LRAT: variants seen among roughly 807,000 people sequenced by gnomAD.
LRAT encodes lecithin retinol acyltransferase.
Under a neutral mutation model 14.2 loss-of-function variants are expected in LRAT, and 11 were observed. The observed-to-expected ratio is 0.78, with a 90% CI of 0.49 to 1.29. The LOEUF is 1.29. Among genes scored for constraint, LRAT ranks in the 50% most tolerant of loss-of-function variants. LRAT has a pLI of 0.00. For synonymous variants in LRAT, 144 were observed against 124.8 expected, an observed-to-expected ratio of 1.15 and a Z score of -1.03; for missense variants, 274 against 292.4, an observed-to-expected ratio of 0.94 and a Z score of 0.46.
In LRAT at chr4:154,744,108, C is replaced by A. The variant is rs1348894071; in HGVS notation, c.-116C>A. Reference sequence around the variant, plus strand: ...CCGCCGTCAGCCACCGGTTCCTTATCCGTCTCATTCCCCATTGTGGCTTGG... The same window carrying A: ...CCGCCGTCAGCCACCGGTTCCTTATACGTCTCATTCCCCATTGTGGCTTGG... On this transcript the variant is annotated 5_prime_UTR_variant, in exon 1 of 3. Coordinates refer to ENST00000336356, the MANE Select transcript of LRAT (RefSeq NM_004744.5). The A allele has an allele frequency of 1.7e-6, 1 of 591,792 alleles. No individual in the cohort carries two copies. Among genetic ancestry groups the A allele is most frequent in the Non-Finnish European group, 3.0e-6 (1 of 331,060 alleles). 36.7% of individuals were successfully genotyped at this position (591,792 alleles called of 1,614,324 possible).
At position 154,744,224 on chromosome 4, in the gene LRAT, T is replaced by TGAGCAGCAGCGCAGCACCCCTGCCCGGC; in HGVS notation, c.-2+7_-2+34dup. 8.2e-7 allele frequency: 1 copy of TGAGCAGCAGCGCAGCACCCCTGCCCGGC among 1,226,608 alleles called. No individual in the cohort carries two copies. The highest frequency in any genetic ancestry group is 2.3e-5 in the East Asian group (1 of 42,718). The allele number at this position is 1,226,608 out of a possible 1,614,324, so 76.0% of individuals were successfully genotyped here. ...CGCCGTACCTCACCTGGCCTGCAGG[T>TGAGCAGCAGCGCAGCACCCCTGCCCGGC]GAGCAGCAGCGCAGCACCCCTGCCC... On this transcript the variant is annotated splice_region_variant and intron_variant, in intron 1 of 2. Transcript: ENST00000336356.
At chr4:154,741,918 T>G (rs1006714212), upstream of LRAT, among the ~76,000 whole-genome samples, 1 of 152,196 alleles carries the variant, frequency 6.6e-6, no homozygotes. Flanking sequence ...ATAAGCCGCC[T>G]TAGTGACCAC....
chr4:154,746,124 T>TA (rs1732881061), intron 2 of LRAT, among the ~76,000 whole-genome samples: 1 of 152,234 alleles, frequency 6.6e-6, no homozygotes, highest in South Asian at 2.1e-4. Context: ...AAACTTCACT[T>TA]ACAATTGGAA....
chr4:154,742,715 A>G (rs527968053), upstream of LRAT, among the ~76,000 whole-genome samples: 2 of 152,238 alleles, frequency 1.3e-5, no homozygotes, highest in Admixed American at 1.3e-4. Context: ...CCAACGCTTC[A>G]GCGGCTCCCT....
chr4:154,747,581 G>A (rs564262145), intron 2 of LRAT, among the ~76,000 whole-genome samples: 17 of 152,042 alleles, frequency 1.1e-4, no homozygotes, highest in Non-Finnish European at 4.4e-5. Flanking sequence ...GACATGAGTT[G>A]CTTTTTGAGA....
rs1225927281 is a variant in LRAT at position 154,749,981 on chromosome 4, T to C, written c.*845T>C. On this transcript the variant is annotated 3_prime_UTR_variant, in exon 3 of 3. Transcript: ENST00000336356. Reference sequence around the variant, plus strand: ...TATACACAGACTGAGAGATAAATTGTTCTTGATTGCTTTATTATCATCATA... The same window carrying C: ...TATACACAGACTGAGAGATAAATTGCTCTTGATTGCTTTATTATCATCATA... The C allele has an allele frequency of 2.0e-5, 3 of 152,224 alleles. No homozygotes were observed. The highest frequency in any genetic ancestry group is 4.4e-5 in the Non-Finnish European group (3 of 68,014). 9.4% of individuals were successfully genotyped at this position (152,224 alleles called of 1,614,324 possible).
chr4:154,742,613 T>A (rs904866488), upstream of LRAT, among the ~76,000 whole-genome samples: 1 of 152,188 alleles, frequency 6.6e-6, no homozygotes, highest in South Asian at 2.1e-4. Flanking sequence ...CTCTCCATTG[T>A]GGCCTTTGTC....
rs886059168 is a variant in LRAT at position 154,750,721 on chromosome 4, T to G, written c.*1585T>G. 6.6e-5 allele frequency: 10 copies of G among 152,154 alleles called. No homozygotes were observed. The highest frequency in any genetic ancestry group is 1.2e-4 in the Non-Finnish European group (8 of 68,020). 9.4% of individuals were successfully genotyped at this position (152,154 alleles called of 1,614,324 possible). A position where few individuals can be genotyped will look rare whatever the true frequency, so the allele number is the denominator to read the frequency against. On this transcript the variant is annotated 3_prime_UTR_variant, in exon 3 of 3. Coordinates refer to ENST00000336356, the MANE Select transcript of LRAT (RefSeq NM_004744.5). ...AGAATATAGGTGTTCTCTGGACCTA[T>G]TCTAACCACTTAAAATTATCTTAAG...
rs886059164 is a variant in LRAT, at chr4:154,749,465, T to G, written c.*329T>G. 5 of 245,046 alleles carry G rather than the reference T, an allele frequency of 2.0e-5. No homozygotes were observed. Among genetic ancestry groups the G allele is most frequent in the Non-Finnish European group, 3.2e-5 (4 of 125,104 alleles). 15.2% of individuals were successfully genotyped at this position (245,046 alleles called of 1,614,324 possible). On this transcript the variant is annotated 3_prime_UTR_variant, in exon 3 of 3. Transcript: ENST00000336356. ...GTTTTTTTTTCTCCTGTAATCCTTG[T>G]ACTGTTCGGCTGAATTTGAAGATTG...
chr4:154,744,941 C>A (rs1195598390), intron 2 of LRAT, 75 bp downstream of exon 2: 1 of 1,443,398 alleles, frequency 6.9e-7, no homozygotes, highest in Non-Finnish European at 9.7e-7. Flanking sequence ...TTCTCTTCCC[C>A]GCGAGTAGGG....
intron 2 of LRAT, among the ~76,000 whole-genome samples, chr4:154,747,849 C>G (rs750819108): frequency 6.6e-6 from 1 of 152,040 alleles, no homozygotes; most frequent in Non-Finnish European, 1.5e-5. Flanking sequence ...AGGCCAACAT[C>G]TAGATAAGTT....
At chr4:154,742,865 A>G (rs750328144), upstream of LRAT, among the ~76,000 whole-genome samples, 3 of 150,552 alleles carry the variant, frequency 2.0e-5, no homozygotes, top group Non-Finnish European at 3.0e-5. Context: ...AAACATAAAA[A>G]TAAAAATAAA....
In LRAT at chr4:154,751,801, CTT is replaced by C. The variant is rs1733003068; in HGVS notation, c.*2666_*2667del. ...CCTGAGCCATTAATGTGTCTCGTAA[CTT>C]GAGGAAGTTCATGAATTCTCTGGGC... is the stretch of plus-strand genomic sequence containing the variant. On this transcript the variant is annotated 3_prime_UTR_variant, in exon 3 of 3. Coordinates refer to ENST00000336356, the MANE Select transcript of LRAT (RefSeq NM_004744.5). The C allele has an allele frequency of 7.3e-6, 1 of 136,770 alleles. No homozygotes were observed. Among genetic ancestry groups the C allele is most frequent in the Admixed American group, 7.4e-5 (1 of 13,524 alleles). The allele number at this position is 136,770 out of a possible 1,614,324, so 8.5% of individuals were successfully genotyped here. A position where few individuals can be genotyped will look rare whatever the true frequency, so the allele number is the denominator to read the frequency against.
chr4:154,741,868 T>C (rs918596342), upstream of LRAT, among the ~76,000 whole-genome samples: 4 of 152,202 alleles, frequency 2.6e-5, no homozygotes, highest in African/African-American at 9.6e-5. Flanking sequence ...CATGCTTTTG[T>C]CTCCCTCAAG....
rs1400916125 is a variant in LRAT at position 154,748,455 on chromosome 4, G to A, written c.541-529G>A. The A allele has an allele frequency of 1.1e-5, 10 of 907,896 alleles. No individual in the cohort carries two copies. In the South Asian group the frequency reaches 4.9e-4, roughly 45 times the overall value. 56.2% of individuals were successfully genotyped at this position (907,896 alleles called of 1,614,324 possible). A position where few individuals can be genotyped will look rare whatever the true frequency, so the allele number is the denominator to read the frequency against. On this transcript the variant is annotated intron_variant, in intron 2 of 2. Transcript: ENST00000336356. The stretch of plus-strand genomic sequence containing the variant: ...TGTCACATAATTGATCCTGAATTTA[G>A]CATATTTAGTCAGGAAATGGGATTT...
chr4:154,749,797 A>C lies in LRAT; in HGVS notation c.*661A>C, dbSNP rs1732953743. On this transcript the variant is annotated 3_prime_UTR_variant, in exon 3 of 3. Transcript: ENST00000336356. ...ACTATAGTATCACTTGAACAATTTG[A>C]TTTGGCTTTACTTACTAGGAAGCCT... 6.6e-6 allele frequency: 1 copy of C among 152,194 alleles called. No homozygotes were observed. Among genetic ancestry groups the C allele is most frequent in the African/African-American group, 2.4e-5 (1 of 41,450 alleles). 9.4% of individuals were successfully genotyped at this position (152,194 alleles called of 1,614,324 possible).
chr4:154,750,745 A>G lies in LRAT; in HGVS notation c.*1609A>G, dbSNP rs2111040321. On this transcript the variant is annotated 3_prime_UTR_variant, in exon 3 of 3. Transcript: ENST00000336356. Reference sequence around the variant, plus strand: ...ATTCTAACCACTTAAAATTATCTTAAGTATGCATACATAAAAGCAACCACT... The same window carrying G: ...ATTCTAACCACTTAAAATTATCTTAGGTATGCATACATAAAAGCAACCACT... The G allele has an allele frequency of 6.6e-6, 1 of 152,328 alleles. No homozygotes were observed. The highest frequency in any genetic ancestry group is 1.9e-4 in the East Asian group (1 of 5,188). The allele number at this position is 152,328 out of a possible 1,614,324, so 9.4% of individuals were successfully genotyped here. A position where few individuals can be genotyped will look rare whatever the true frequency, so the allele number is the denominator to read the frequency against.
chr4:154,749,195 G>A lies in LRAT; in HGVS notation c.*59G>A. On this transcript the variant is annotated 3_prime_UTR_variant, in exon 3 of 3. Transcript: ENST00000336356. ...ATGTAAATATGTTTATATTTATAGA[G>A]CATCAATCAATATAAGCATTATTGA... The A allele has an allele frequency of 6.6e-7, 1 of 1,522,470 alleles. No individual in the cohort carries two copies. The highest frequency in any genetic ancestry group is 1.4e-5 in the African/African-American group (1 of 73,054). 94.3% of individuals were successfully genotyped at this position (1,522,470 alleles called of 1,614,324 possible). A position where few individuals can be genotyped will look rare whatever the true frequency, so the allele number is the denominator to read the frequency against.
At chr4:154,744,266 C>G in intron 1 of LRAT, 44 bp downstream of exon 1, 1 of 1,584,912 alleles carries the variant, frequency 6.3e-7, no homozygotes, top group South Asian at 1.1e-5. Context: ...CTTAACTTGC[C>G]CAGCCCGGCC....
Sources: gnomAD v4.1 joint callset for allele counts (sites outside exome capture counted in the v4.1 genomes callset) on GRCh38, gnomAD v4.1.1 for gene constraint, MANE v1.5 for transcripts, NCBI Gene and HGNC (gene_info 2026-07-23, HGNC 2026-07-21) for gene names.